CORO7: variants seen among roughly 807,000 people sequenced by gnomAD.
CORO7 encodes the protein coronin 7.
Under a neutral mutation model 126.6 loss-of-function variants are expected in CORO7, and 107 were observed. That is an observed-to-expected ratio of 0.85 (90% CI 0.72 to 0.99). The LOEUF (loss-of-function observed/expected upper bound fraction) is 0.99. CORO7 is among the 50% of genes least tolerant of loss of function. The probability of loss-of-function intolerance (pLI) is 0.00; values close to 1 mark genes in which losing one functional copy is unlikely to be tolerated. For synonymous variants in CORO7, 603 were observed against 536.8 expected, an observed-to-expected ratio of 1.12 and a Z score of -1.70; for missense variants, 1,314 against 1,255.8, an observed-to-expected ratio of 1.05 and a Z score of -0.70.
rs35623946 is a variant in CORO7 at position 4,407,667 on chromosome 16, C to T, written c.321G>A (p.Leu107=). ...AGGGCAGGGCCTGGCCAGGCCCTGG[C>T]AGTCGCCAGAGTTTTACCTGCAAGA... The part of the protein sequence containing the change: ...SADRTVKLWR[L]PGPGQALPSA... The change falls in exon 5 of 28, where the codon CTG becomes CTA. Residue 107 remains leucine, a synonymous_variant. Coordinates refer to ENST00000251166, the MANE Select transcript of CORO7 (RefSeq NM_024535.5). 621 of 1,594,894 alleles carry T rather than the reference C, an allele frequency of 3.9e-4. 3 individuals are homozygous for T. In the Middle Eastern group the frequency reaches 9.6e-3, roughly 25 times the overall value.
At chr16:4,379,657 C>T (rs1043864857) in intron 9 of CORO7, among the ~76,000 whole-genome samples, 5 of 152,028 alleles carry the variant, frequency 3.3e-5, no homozygotes, top group Non-Finnish European at 5.9e-5. Context: ...CTTCCCACTT[C>T]GCTGGCACAT....
Position 4,359,588 on chromosome 16 carries a change from AGCTTCATATAGGAGCAGCT to A in CORO7, c.2123_2141del (p.Gln708LeufsTer34). On this transcript the variant is annotated frameshift_variant, in exon 22 of 28. Transcript: ENST00000251166. LOFTEE classifies it high-confidence loss of function. ...CCAAGGGTCCGCCGGCCAGGGCCTC[AGCTTCATATAGGAGCAGCT>A]GGCGCTCACTTTGGCTGCAAGGGGG... 6.2e-7 allele frequency: 1 copy of A among 1,609,800 alleles called. No homozygotes were observed. Among genetic ancestry groups the A allele is most frequent in the Non-Finnish European group, 8.5e-7 (1 of 1,177,444 alleles).
At chr16:4,406,199 C>A (rs900174779) in intron 5 of CORO7, among the ~76,000 whole-genome samples, 1 of 152,134 alleles carries the variant, frequency 6.6e-6, no homozygotes, top group Non-Finnish European at 1.5e-5. Context: ...GGAATTTCAC[C>A]ATGTTGGCCA....
intron 9 of CORO7, among the ~76,000 whole-genome samples, chr16:4,378,169 G>A (rs1160748920): frequency 6.6e-6 from 1 of 152,186 alleles, no homozygotes; most frequent in Non-Finnish European, 1.5e-5. Context: ...ATCCCCCACT[G>A]CAGCCCTGAA....
In CORO7 at chr16:4,361,461, C is replaced by A. The variant is rs1003859043; in HGVS notation, c.1587G>T (p.Lys529Asn). The change falls in exon 17 of 28, where the codon AAG becomes AAT. Residue 529 changes from lysine to asparagine, a missense_variant. Lys to Asn is a moderately conservative substitution (Grantham distance 94). Coordinates refer to ENST00000251166, the MANE Select transcript of CORO7 (RefSeq NM_024535.5). The stretch of plus-strand genomic sequence containing the variant: ...GTGCCGTGTCGGGCAGGCGGCCAGG[C>A]TTCCGTAGCTGTGGGAGGTGCCCCC... ...GGQVAVLELR[K>N]PGRLPDTALP... The A allele has an allele frequency of 6.2e-7, 1 of 1,611,670 alleles. No individual in the cohort carries two copies. The highest frequency in any genetic ancestry group is 1.1e-5 in the South Asian group (1 of 91,030).
At chr16:4,376,703 G>A (rs185949370) in intron 9 of CORO7, among the ~76,000 whole-genome samples, 10 of 152,210 alleles carry the variant, frequency 6.6e-5, no homozygotes, top group Admixed American at 2.0e-4. Context: ...TTGAGATGAC[G>A]AGTGCCTTGT....
intron 25 of CORO7, chr16:4,357,480 C>T: frequency 2.0e-6 from 1 of 504,694 alleles, no homozygotes; most frequent in Non-Finnish European, 3.4e-6. Flanking sequence ...CTGCTTCAGC[C>T]TCTGGAGTAG....
Position 4,360,379 on chromosome 16 carries a change from G to A in CORO7, c.2023-16C>T, listed in dbSNP as rs147813961. On this transcript the variant is annotated splice_polypyrimidine_tract_variant and intron_variant, in intron 20 of 27. Coordinates refer to ENST00000251166, the MANE Select transcript of CORO7 (RefSeq NM_024535.5). ...CTGGGCCTTCCTGTTGAGATACATC[G>A]CGTGACACCCAGCCAGCACCCCTGA... The A allele has an allele frequency of 2.6e-4, 417 of 1,613,422 alleles. 1 individual carries two copies. In the African/African-American group the frequency reaches 3.6e-3, roughly 14 times the overall value.
chr16:4,415,257 C>G (rs140369523), intron 1 of CORO7, among the ~76,000 whole-genome samples: 276 of 152,264 alleles, frequency 1.8e-3, no homozygotes, highest in Non-Finnish European at 3.2e-3. Flanking sequence ...CATCTGTCAC[C>G]ATACTGCTCC....
At chr16:4,408,380 T>C in intron 3 of CORO7, 129 bp from the exon 4 acceptor site, 1 of 1,291,136 alleles carries the variant, frequency 7.7e-7, no homozygotes, top group East Asian at 2.5e-5. Flanking sequence ...ACAAGGGCCC[T>C]CTGGACACCA....
intron 9 of CORO7, among the ~76,000 whole-genome samples, chr16:4,366,579 T>A (rs1290401026): frequency 6.7e-6 from 1 of 149,548 alleles, no homozygotes; most frequent in African/African-American, 2.5e-5. Flanking sequence ...TCTCCCTCTG[T>A]CACCCAGGCT....
chr16:4,412,509 A>T, intron 2 of CORO7, 79 bp from the exon 3 acceptor site: 1 of 1,504,710 alleles, frequency 6.6e-7, no homozygotes, highest in Non-Finnish European at 9.2e-7. Flanking sequence ...CCAGAGATGA[A>T]ATCCAGCAGC....
rs983776479 is a variant in CORO7 at position 4,355,597 on chromosome 16, G to A, written c.2686-225C>T. Reference sequence around the variant, plus strand: ...CACTGTCCTGCCTCAGCCTCCCAAGGAGCTGGGATTACAGGCGCCCACCAC... The same window carrying A: ...CACTGTCCTGCCTCAGCCTCCCAAGAAGCTGGGATTACAGGCGCCCACCAC... On this transcript the variant is annotated intron_variant, in intron 26 of 27. Coordinates refer to ENST00000251166, the MANE Select transcript of CORO7 (RefSeq NM_024535.5). 134 of 532,430 alleles carry A rather than the reference G, an allele frequency of 2.5e-4. 1 individual carries two copies. The highest frequency in any genetic ancestry group is 1.9e-4 in the Non-Finnish European group (58 of 299,354). 33.0% of individuals were successfully genotyped at this position (532,430 alleles called of 1,614,324 possible). A position where few individuals can be genotyped will look rare whatever the true frequency, so the allele number is the denominator to read the frequency against.
At chr16:4,390,126 T>A (rs2055335941) in intron 7 of CORO7, among the ~76,000 whole-genome samples, 1 of 152,142 alleles carries the variant, frequency 6.6e-6, no homozygotes, top group Admixed American at 6.5e-5. Flanking sequence ...GAAATCAGTG[T>A]GTCATTCCCT....
At chr16:4,391,024 G>T (rs1433326537) in intron 7 of CORO7, among the ~76,000 whole-genome samples, 1 of 152,220 alleles carries the variant, frequency 6.6e-6, no homozygotes, top group Non-Finnish European at 1.5e-5. Flanking sequence ...GGTACACCCA[G>T]CTCAGTTTGC....
intron 25 of CORO7, 73 bp downstream of exon 25, chr16:4,357,895 T>C: frequency 6.5e-7 from 1 of 1,536,094 alleles, no homozygotes; most frequent in East Asian, 2.3e-5. Context: ...GGAATGGAAC[T>C]TCAACCTGGG....
intron 3 of CORO7, among the ~76,000 whole-genome samples, chr16:4,411,385 C>G (rs182567072): frequency 5.3e-5 from 8 of 151,866 alleles, no homozygotes; most frequent in Non-Finnish European, 1.0e-4. Flanking sequence ...AGAGCAAGAC[C>G]CTGTCACAAA....
At position 4,355,162 on chromosome 16, in the gene CORO7, T is replaced by C; in HGVS notation, c.2774A>G (p.Asp925Gly). The C allele has an allele frequency of 6.5e-7, 1 of 1,532,128 alleles. No homozygotes were observed. Among genetic ancestry groups the C allele is most frequent in the East Asian group, 2.3e-5 (1 of 43,030 alleles). The allele number at this position is 1,532,128 out of a possible 1,614,324, so 94.9% of individuals were successfully genotyped here. ...SFEGVDEDEW[D>G] ...TGGAGGTGACGGGGGCGCAGGCTAG[T>C]CCTGGGGCGAAACACCAAGAGGTGG... The change falls in exon 28 of 28, where the codon GAC (aspartate) becomes GGC (glycine). Residue 925 changes from aspartate to glycine, a missense_variant and splice_region_variant. Asp to Gly is a moderately conservative substitution (Grantham distance 94, BLOSUM62 -1). Transcript: ENST00000251166.
Position 4,360,504 on chromosome 16 carries a change from A to C in CORO7, c.1962T>G (p.Thr654=). The change falls in exon 20 of 28, where the codon ACT becomes ACG. Residue 654 remains threonine, a synonymous_variant. Transcript: ENST00000251166. ...AWSPDGQQLA[T]VCKDGRVRVY... ...CCCGCACACGCCCATCCTTGCAGAC[A>C]GTGGCCAGCTGCTGCCCATCAGGAC... 1 of 1,611,826 alleles carries C rather than the reference A, an allele frequency of 6.2e-7. No homozygotes were observed. Among genetic ancestry groups the C allele is most frequent in the South Asian group, 1.1e-5 (1 of 90,852 alleles).
Sources: gnomAD v4.1 joint callset for allele counts (sites outside exome capture counted in the v4.1 genomes callset) on GRCh38, gnomAD v4.1.1 for gene constraint, MANE v1.5 for transcripts, NCBI Gene and HGNC (gene_info 2026-07-23, HGNC 2026-07-21) for gene names.